Variants in FHIT observed in about 807,000 individuals in gnomAD.
The protein encoded by FHIT is fragile histidine triad diadenosine triphosphatase.
FHIT carries 19 observed loss-of-function variants against 17.9 expected under a neutral mutation model. The observed-to-expected ratio is 1.06, with a 90% CI of 0.74 to 1.56. The LOEUF is 1.56. FHIT is among the 40% of genes most tolerant of loss of function. The pLI is 0.00. For synonymous variants in FHIT, 81 were observed against 69.7 expected (o/e 1.16, Z -0.81); for missense variants, 248 against 189.2 (o/e 1.31, Z -1.82).
intron 3 of FHIT, among the ~76,000 whole-genome samples, chr3:60,894,730 C>A (rs1398513065): frequency 6.6e-6 from 1 of 152,002 alleles, no homozygotes; most frequent in Non-Finnish European, 1.5e-5. Flanking sequence ...TTAAAATATT[C>A]AAAACTGTGG....
intron 4 of FHIT, among the ~76,000 whole-genome samples, chr3:60,669,176 A>G (rs1405208143): frequency 1.3e-5 from 2 of 152,190 alleles, no homozygotes; most frequent in Admixed American, 6.5e-5. Context: ...ATGTTCATGC[A>G]TATTTTCTCT....
chr3:60,264,355 C>T (rs1015583175), intron 5 of FHIT, among the ~76,000 whole-genome samples: 1 of 149,348 alleles, frequency 6.7e-6, no homozygotes, highest in Non-Finnish European at 1.5e-5. Context: ...ATAAAGCCTT[C>T]CTACCAATAG....
In FHIT at chr3:60,563,545, C is replaced by T. The variant is rs181856017; in HGVS notation, c.-17-26566G>A. 1.2e-4 allele frequency among the ~76,000 whole-genome samples: 18 copies of T among 152,286 alleles called. No homozygotes were observed. In the East Asian group the frequency reaches 3.5e-3, roughly 29 times the overall value. On this transcript the variant is annotated intron_variant, in intron 4 of 9. Transcript: ENST00000492590. ...AGCTAGGCCTCTTGGGCCAAACAGC[C>T]ACGCTGTGAATGCAAAGGACAAGTT...
intron 5 of FHIT, among the ~76,000 whole-genome samples, chr3:60,160,209 G>A (rs1286901763): frequency 2.0e-5 from 3 of 152,012 alleles, no homozygotes; most frequent in Non-Finnish European, 4.4e-5. Flanking sequence ...AAGAAAGGGA[G>A]GAAGAGAGGG....
intron 1 of FHIT, among the ~76,000 whole-genome samples, chr3:61,214,229 G>A (rs2039591778): frequency 2.0e-5 from 3 of 151,054 alleles, no homozygotes; most frequent in African/African-American, 7.3e-5. Flanking sequence ...CTGGTTTTTT[G>A]AAAGGATCAA....
chr3:60,671,179 T>G (rs1553693719), intron 4 of FHIT, among the ~76,000 whole-genome samples: 1 of 152,186 alleles, frequency 6.6e-6, no homozygotes, highest in African/African-American at 2.4e-5. Flanking sequence ...TGGATTACCC[T>G]CAGAATACCC....
At chr3:61,162,552 A>G (rs2037727349) in intron 2 of FHIT, among the ~76,000 whole-genome samples, 1 of 152,180 alleles carries the variant, frequency 6.6e-6, no homozygotes, top group Admixed American at 6.5e-5. Flanking sequence ...ACCAAATCCA[A>G]CTAGCTCTAA....
At chr3:60,460,195 G>A (rs1293048452) in intron 5 of FHIT, among the ~76,000 whole-genome samples, 1 of 152,066 alleles carries the variant, frequency 6.6e-6, no homozygotes, top group Non-Finnish European at 1.5e-5. Flanking sequence ...CTTTCGGGGG[G>A]CAAATCTGAT....
At position 60,850,323 on chromosome 3, in the gene FHIT, TTCTCTCTCTCTC is replaced by T. The variant is rs3046704; in HGVS notation, c.-110-28324_-110-28313del. On this transcript the variant is annotated intron_variant, in intron 3 of 9. Coordinates refer to ENST00000492590, the MANE Select transcript of FHIT (RefSeq NM_002012.4). ...CATGTTAGGGCCTTTGTGTCTGCAC[TTCTCTCTCTCTC>T]TCTCTCTCTCTCTCTCTCTCTCTCT... 2.7e-3 allele frequency among the ~76,000 whole-genome samples: 323 copies of T among 120,234 alleles called. 1 individual carries two copies. The highest frequency in any genetic ancestry group is 7.8e-3 in the African/African-American group (248 of 31,982). The allele number at this position is 120,234 out of a possible 152,430, so 78.9% of individuals were successfully genotyped here.
chr3:60,758,726 C>A (rs1699534254), intron 4 of FHIT, among the ~76,000 whole-genome samples: 1 of 152,142 alleles, frequency 6.6e-6, no homozygotes. Context: ...CTACTACTTG[C>A]AAGGCACTAT....
At chr3:60,646,078 A>G (rs1180823369) in intron 4 of FHIT, among the ~76,000 whole-genome samples, 1 of 152,200 alleles carries the variant, frequency 6.6e-6, no homozygotes, top group Admixed American at 6.5e-5. Flanking sequence ...ATGGTCAGAA[A>G]GAACTTTACC....
intron 4 of FHIT, among the ~76,000 whole-genome samples, chr3:60,727,217 T>C (rs367699851): frequency 1.3e-5 from 2 of 152,140 alleles, no homozygotes; most frequent in East Asian, 3.9e-4. Context: ...AAGCTCAGAA[T>C]GTAATAAAAG....
intron 1 of FHIT, among the ~76,000 whole-genome samples, chr3:61,210,752 C>G (rs2039437815): frequency 6.6e-6 from 1 of 152,022 alleles, no homozygotes; most frequent in Non-Finnish European, 1.5e-5. Flanking sequence ...CCTTGCGCTT[C>G]CCGGATAAGG....
intron 3 of FHIT, among the ~76,000 whole-genome samples, chr3:60,840,940 CT>C (rs1473875738): frequency 2.0e-5 from 3 of 152,152 alleles, no homozygotes; most frequent in African/African-American, 7.2e-5. Flanking sequence ...TTAGTATCAT[CT>C]TATCATGTAC....
intron 7 of FHIT, among the ~76,000 whole-genome samples, chr3:59,948,499 A>G (rs1319422875): frequency 8.6e-5 from 13 of 152,006 alleles, no homozygotes; most frequent in Admixed American, 8.5e-4. Flanking sequence ...CCTGGGCAAC[A>G]GAGCGAGATT....
At chr3:60,442,102 C>T (rs1428914343) in intron 5 of FHIT, among the ~76,000 whole-genome samples, 2 of 151,690 alleles carry the variant, frequency 1.3e-5, no homozygotes, top group Non-Finnish European at 1.5e-5. Context: ...TCAAGCGATC[C>T]TCCTGCCTCA....
chr3:61,088,770 G>A, intron 2 of FHIT, among the ~76,000 whole-genome samples: 1 of 75,788 alleles, frequency 1.3e-5, no homozygotes, highest in Admixed American at 9.7e-5. Flanking sequence ...CAAAATGCTG[G>A]GAAGAACTAC....
intron 4 of FHIT, chr3:60,732,683 G>GTTTTTTTTT (rs1559679112): frequency 3.6e-5 from 7 of 193,164 alleles, no homozygotes; most frequent in African/African-American, 1.7e-4. Context: ...TGCAAAGACT[G>GTTTTTTTTT]CTTTTTTTTT....
chr3:60,435,967 T>A (rs1284351884), intron 5 of FHIT, among the ~76,000 whole-genome samples: 2 of 152,148 alleles, frequency 1.3e-5, no homozygotes, highest in African/African-American at 4.8e-5. Flanking sequence ...GCTCCATCCT[T>A]ATCCCTGCAA....
Sources: allele counts gnomAD v4.1 joint callset (sites outside exome capture counted in the v4.1 genomes callset), GRCh38; gene constraint gnomAD v4.1.1; transcripts MANE v1.5; gene names NCBI Gene and HGNC (gene_info 2026-07-23, HGNC 2026-07-21).